EIF3I: variants seen among roughly 807,000 people sequenced by gnomAD.
EIF3I encodes the protein TGF-beta receptor-interacting protein 1.
In EIF3I, 20 loss-of-function variants were observed where a neutral mutation model predicts 43.3. The ratio of observed to expected loss-of-function variants is 0.46; its 90% CI spans 0.32 to 0.67. EIF3I has a LOEUF of 0.67. EIF3I is among the 30% of genes least tolerant of loss of function. The pLI is 0.03. For missense variants in EIF3I, 279 were observed against 421.4 expected (o/e 0.66, Z 2.96); for synonymous variants, 167 against 151.7 (o/e 1.10, Z -0.74).
chr1:32,229,219 A>G lies in EIF3I; in HGVS notation c.803+11A>G. On this transcript the variant is annotated intron_variant, in intron 9 of 11. Coordinates refer to ENST00000676679, the Ensembl canonical transcript of EIF3I. ...CAAGTTTGAGGCCAGGTAAAGAAGA[A>G]GAGAGCTCTTCCAAATTAAAATCTC... The G allele has an allele frequency of 6.2e-7, 1 of 1,609,264 alleles. No homozygotes were observed. Among genetic ancestry groups the G allele is most frequent in the Non-Finnish European group, 8.5e-7 (1 of 1,178,900 alleles).
chr1:32,232,572 A>G (rs1043979715), downstream of EIF3I, among the ~76,000 whole-genome samples: 4 of 152,220 alleles, frequency 2.6e-5, no homozygotes, highest in Admixed American at 1.3e-4. Context: ...CACTGTGAAT[A>G]TTGATAGGTC....
intron 2 of EIF3I, among the ~76,000 whole-genome samples, chr1:32,223,562 G>A (rs1298491939): frequency 6.6e-6 from 1 of 152,160 alleles, no homozygotes; most frequent in Non-Finnish European, 1.5e-5. Flanking sequence ...TAGGATTACA[G>A]GCATGAGTCA....
At chr1:32,234,292 G>A (rs1470533129), downstream of EIF3I, 1 of 133,602 alleles carries the variant, frequency 7.5e-6, no homozygotes, top group Non-Finnish European at 1.5e-5. Context: ...GTGACAGAGC[G>A]AGACTTCATC....
chr1:32,231,622 C>A (rs1267969382), downstream of EIF3I: 1 of 171,756 alleles, frequency 5.8e-6, no homozygotes, highest in Non-Finnish European at 1.2e-5. Context: ...GTGTCTGTTT[C>A]ATCATTTTTC....
At chr1:32,227,530 CT>C (rs1005954350) in intron 6 of EIF3I, among the ~76,000 whole-genome samples, 2 of 151,982 alleles carry the variant, frequency 1.3e-5, no homozygotes, top group African/African-American at 4.8e-5. Flanking sequence ...AATCCCAACA[CT>C]TTGGGAGGCT....
chr1:32,229,217 G>A lies in EIF3I; in HGVS notation c.803+9G>A, dbSNP rs1198639094. 1 of 1,609,484 alleles carries A rather than the reference G, an allele frequency of 6.2e-7. No homozygotes were observed. Among genetic ancestry groups the A allele is most frequent in the Non-Finnish European group, 8.5e-7 (1 of 1,178,966 alleles). On this transcript the variant is annotated intron_variant, in intron 9 of 11. Coordinates refer to ENST00000676679, the Ensembl canonical transcript of EIF3I. ...GGCAAGTTTGAGGCCAGGTAAAGAAGAAGAGAGCTCTTCCAAATTAAAATC... is the reference window on the plus strand; with the variant it reads ...GGCAAGTTTGAGGCCAGGTAAAGAAAAAGAGAGCTCTTCCAAATTAAAATC...
chr1:32,229,833 G>A (rs1242315696), intron 9 of EIF3I, among the ~76,000 whole-genome samples: 1 of 152,148 alleles, frequency 6.6e-6, no homozygotes, highest in Non-Finnish European at 1.5e-5. Context: ...TTACAGGCAT[G>A]AGCCACTGTG....
At chr1:32,229,440 G>C (rs1200111171) in intron 9 of EIF3I, among the ~76,000 whole-genome samples, 1 of 151,964 alleles carries the variant, frequency 6.6e-6, no homozygotes, top group Non-Finnish European at 1.5e-5. Context: ...AGTAGAGACG[G>C]GGTTTCACCG....
rs572553090 is a variant in EIF3I, at chr1:32,226,358, G to A, written c.400+38G>A. 3.7e-6 allele frequency: 6 copies of A among 1,613,740 alleles called. No homozygotes were observed. The Admixed American group carries it at 8.3e-5, about 22-fold the overall frequency. ...AATAGGGCTGGGGTTGAGGTAAAGG[G>A]TACAGTTCTAGAGCCCAGGGCCTAA... On this transcript the variant is annotated intron_variant, in intron 5 of 11. Transcript: ENST00000676679.
chr1:32,231,293 C>A lies in EIF3I; in HGVS notation c.*97C>A, dbSNP rs1436633456. ...ATCACCTGAGGTCAGGAGTTTAAGA[C>A]CAGCCTGACCAACATGGAGAAACCT... is the stretch of plus-strand genomic sequence containing the variant. On this transcript the variant is annotated 3_prime_UTR_variant, in exon 12 of 12. Transcript: ENST00000676679. 43 of 1,095,398 alleles carry A rather than the reference C, an allele frequency of 3.9e-5. 1 individual carries two copies. In the South Asian group the frequency reaches 5.6e-4, roughly 14 times the overall value. The allele number at this position is 1,095,398 out of a possible 1,614,324, so 67.9% of individuals were successfully genotyped here. A position where few individuals can be genotyped will look rare whatever the true frequency, so the allele number is the denominator to read the frequency against.
At chr1:32,230,804 A>T (rs1046909848) in intron 10 of EIF3I, 123 bp from the exon 10 acceptor site, 40 of 719,088 alleles carry the variant, frequency 5.6e-5, no homozygotes, top group Non-Finnish European at 7.7e-5. Context: ...ACCCTGGGTG[A>T]CAGAGTAAGA....
At chr1:32,223,536 C>T (rs1396947719) in intron 2 of EIF3I, among the ~76,000 whole-genome samples, 5 of 152,264 alleles carry the variant, frequency 3.3e-5, no homozygotes, top group Admixed American at 1.3e-4. Context: ...CCGCCTGCCT[C>T]GGCCTCCCAA....
chr1:32,235,442 T>C (rs1639288103), downstream of EIF3I, among the ~76,000 whole-genome samples: 1 of 152,110 alleles, frequency 6.6e-6, no homozygotes, highest in South Asian at 2.1e-4. Flanking sequence ...GTGATTCTTC[T>C]GCCTCAGCCT....
intron 2 of EIF3I, among the ~76,000 whole-genome samples, chr1:32,223,218 A>C (rs1433173361): frequency 6.6e-6 from 1 of 152,220 alleles, no homozygotes; most frequent in Non-Finnish European, 1.5e-5. Flanking sequence ...ATTTTAAGTC[A>C]ATCCCATCCT....
intron 4 of EIF3I, among the ~76,000 whole-genome samples, chr1:32,225,321 A>G (rs1448330207): frequency 6.6e-6 from 1 of 152,222 alleles, no homozygotes; most frequent in Non-Finnish European, 1.5e-5. Context: ...TACTGGGGAC[A>G]TGGAGGGAAA....
chr1:32,223,660 G>A (rs1187942436), intron 2 of EIF3I, among the ~76,000 whole-genome samples: 3 of 152,232 alleles, frequency 2.0e-5, no homozygotes, highest in African/African-American at 4.8e-5. Context: ...GTGAGACAGT[G>A]GCAGAGCAGG....
exon 6 of EIF3I, chr1:32,226,425 G>A: frequency 6.2e-7 from 1 of 1,605,456 alleles, no homozygotes; most frequent in Non-Finnish European, 8.5e-7. Flanking sequence ...CCTACATGAA[G>A]ATCCCTTGCA....
At chr1:32,223,530 C>T (rs1197057037) in intron 2 of EIF3I, among the ~76,000 whole-genome samples, 2 of 152,172 alleles carry the variant, frequency 1.3e-5, no homozygotes, top group African/African-American at 4.8e-5. Context: ...GGTGATCCGC[C>T]TGCCTCGGCC....
At chr1:32,224,011 A>G (rs1461483306) in intron 2 of EIF3I, 23 bp from the exon 3 acceptor site, 2 of 1,613,114 alleles carry the variant, frequency 1.2e-6, no homozygotes, top group East Asian at 4.5e-5. Flanking sequence ...GATGTGTACT[A>G]TCCTGTGGTT....
Sources: allele counts gnomAD v4.1 joint callset (sites outside exome capture counted in the v4.1 genomes callset), GRCh38; gene constraint gnomAD v4.1.1; transcripts MANE v1.5; gene names NCBI Gene and HGNC (gene_info 2026-07-23, HGNC 2026-07-21).